The following SHB variants were observed in gnomAD, a reference collection of about 807,000 sequenced individuals.
The protein encoded by SHB is SH2 domain-containing adapter protein B.
Under a neutral mutation model 52.3 loss-of-function variants are expected in SHB, and 20 were observed. The observed-to-expected ratio is 0.38, with a 90% confidence interval of 0.27 to 0.56. The LOEUF (loss-of-function observed/expected upper bound fraction) is 0.56, where lower values mean the gene tolerates loss of function less well. Among genes scored for constraint, SHB ranks in the 20% least tolerant of loss-of-function variants. The pLI, the probability that SHB is intolerant of heterozygous loss-of-function variation, is 0.71. For synonymous variants in SHB, 397 were observed against 316.5 expected (o/e 1.25, Z -2.70); for missense variants, 825 against 723.3 (o/e 1.14, Z -1.61).
intron 3 of SHB, among the ~76,000 whole-genome samples, chr9:37,964,316 A>G (rs1213037608): frequency 1.3e-5 from 2 of 152,222 alleles, no homozygotes; most frequent in Non-Finnish European, 2.9e-5. Context: ...CCTGGGTTCC[A>G]GGAACGCCGT....
intron 1 of SHB, among the ~76,000 whole-genome samples, chr9:38,034,411 C>G (rs903958770): frequency 3.9e-5 from 6 of 152,232 alleles, no homozygotes; most frequent in Non-Finnish European, 8.8e-5. Context: ...CTACTCTGTA[C>G]AACCAAAGGA....
intron 2 of SHB, 133 bp from the exon 3 acceptor site, chr9:37,974,970 T>C: frequency 1.3e-6 from 1 of 783,524 alleles, no homozygotes; most frequent in Non-Finnish European, 2.1e-6. Context: ...GACCCCTGTC[T>C]GGGTTTTACC....
At chr9:37,959,988 G>GA (rs944140095) in intron 3 of SHB, among the ~76,000 whole-genome samples, 3 of 151,000 alleles carry the variant, frequency 2.0e-5, no homozygotes, top group East Asian at 1.9e-4. Context: ...GCTTTATTGG[G>GA]AAAAAAAAAT....
At chr9:38,029,579 T>A (rs1821387639) in intron 1 of SHB, among the ~76,000 whole-genome samples, 1 of 147,196 alleles carries the variant, frequency 6.8e-6, no homozygotes, top group South Asian at 2.1e-4. Flanking sequence ...GCAACCTCCA[T>A]CCCCTGGTTC....
chr9:37,988,074 T>C (rs1820833303), intron 2 of SHB, among the ~76,000 whole-genome samples: 1 of 152,178 alleles, frequency 6.6e-6, no homozygotes, highest in Non-Finnish European at 1.5e-5. Context: ...CTGTTGACAA[T>C]GTGCCCAGTG....
intron 5 of SHB, among the ~76,000 whole-genome samples, chr9:37,945,496 G>A (rs970690076): frequency 6.6e-6 from 1 of 152,214 alleles, no homozygotes; most frequent in African/African-American, 2.4e-5. Flanking sequence ...GCCCAGCCCA[G>A]CCCACCTCCC....
At chr9:37,995,028 T>C (rs1213283875) in intron 2 of SHB, among the ~76,000 whole-genome samples, 1 of 152,200 alleles carries the variant, frequency 6.6e-6, no homozygotes, top group East Asian at 1.9e-4. Flanking sequence ...GTATATCATC[T>C]GCTTGCATTT....
intron 2 of SHB, among the ~76,000 whole-genome samples, chr9:37,996,007 T>TC (rs1312127159): frequency 2.0e-5 from 3 of 152,238 alleles, no homozygotes. Context: ...CTTACAGGGT[T>TC]CACCAGAAAG....
At chr9:37,957,471 C>G (rs1336679917) in intron 3 of SHB, among the ~76,000 whole-genome samples, 1 of 152,230 alleles carries the variant, frequency 6.6e-6, no homozygotes, top group Non-Finnish European at 1.5e-5. Flanking sequence ...GACACTCTTT[C>G]TCCATCAACC....
At chr9:38,041,933 T>C (rs2118142922) in intron 1 of SHB, among the ~76,000 whole-genome samples, 1 of 152,356 alleles carries the variant, frequency 6.6e-6, no homozygotes, top group African/African-American at 2.4e-5. Context: ...ACCTATTTCC[T>C]TTCTTGTTCT....
intron 1 of SHB, among the ~76,000 whole-genome samples, chr9:38,021,943 C>T (rs929607929): frequency 8.5e-5 from 13 of 152,220 alleles, no homozygotes; most frequent in African/African-American, 3.1e-4. Context: ...CTCTGTGCTG[C>T]TCTCCTCTCC....
intron 1 of SHB, among the ~76,000 whole-genome samples, chr9:38,053,717 CCCCACTG>C (rs1261839998): frequency 2.6e-5 from 4 of 152,082 alleles, no homozygotes. Flanking sequence ...GACAGGGCAA[CCCCACTG>C]ACTTTACTGT....
chr9:38,007,436 C>T (rs572202887), intron 2 of SHB, among the ~76,000 whole-genome samples: 257 of 152,344 alleles, frequency 1.7e-3, no homozygotes, highest in Non-Finnish European at 2.9e-3. Context: ...CTATGCAGTC[C>T]GCCGGCTGCG....
intron 2 of SHB, among the ~76,000 whole-genome samples, chr9:37,984,554 G>T (rs899949170): frequency 6.6e-6 from 1 of 152,138 alleles, no homozygotes; most frequent in African/African-American, 2.4e-5. Context: ...GGGCTCTCCT[G>T]GCCTTTTCCA....
intron 1 of SHB, among the ~76,000 whole-genome samples, chr9:38,039,615 G>A (rs907835393): frequency 6.6e-6 from 1 of 152,280 alleles, no homozygotes; most frequent in African/African-American, 2.4e-5. Flanking sequence ...ACAAGGTCCC[G>A]TTGTAATCCT....
intron 5 of SHB, among the ~76,000 whole-genome samples, chr9:37,920,400 G>A (rs909359603): frequency 1.3e-5 from 2 of 152,234 alleles, no homozygotes; most frequent in African/African-American, 4.8e-5. Flanking sequence ...GGTGCAAAGT[G>A]TGTTCATGTC....
At chr9:38,023,932 A>T (rs1821311290) in intron 1 of SHB, among the ~76,000 whole-genome samples, 1 of 152,218 alleles carries the variant, frequency 6.6e-6, no homozygotes, top group African/African-American at 2.4e-5. Flanking sequence ...ATCATAGACC[A>T]ACTCTCCTTA....
At chr9:37,950,965 G>A (rs1235194296) in intron 4 of SHB, among the ~76,000 whole-genome samples, 1 of 152,212 alleles carries the variant, frequency 6.6e-6, no homozygotes, top group Non-Finnish European at 1.5e-5. Flanking sequence ...GTCTCAGAGT[G>A]TCCTGCAAAC....
At chr9:37,921,569 G>A (rs1354245990) in intron 5 of SHB, among the ~76,000 whole-genome samples, 1 of 152,216 alleles carries the variant, frequency 6.6e-6, no homozygotes, top group Non-Finnish European at 1.5e-5. Context: ...TTTCAAGAGA[G>A]ACTAATTCCT....
Sources: allele counts gnomAD v4.1 joint callset (sites outside exome capture counted in the v4.1 genomes callset), GRCh38; gene constraint gnomAD v4.1.1; transcripts MANE v1.5; gene names NCBI Gene and HGNC (gene_info 2026-07-23, HGNC 2026-07-21).